PPP1R9A: variants seen among roughly 807,000 people sequenced by gnomAD.
The protein encoded by PPP1R9A is neurabin-1.
In PPP1R9A, 59 loss-of-function variants were observed where a neutral mutation model predicts 141.9. The observed-to-expected ratio is 0.42, with a 90% CI of 0.34 to 0.52. The LOEUF is 0.52. Ranked by LOEUF, PPP1R9A falls within the 20% of genes least tolerant of loss-of-function variation. PPP1R9A has a pLI of 0.10. For synonymous variants in PPP1R9A, 500 were observed against 569.7 expected (o/e 0.88, Z 1.74); for missense variants, 1,444 against 1,611.9 (o/e 0.90, Z 1.78).
intron 2 of PPP1R9A, among the ~76,000 whole-genome samples, chr7:95,013,716 T>C (rs997474911): frequency 4.6e-5 from 7 of 152,138 alleles, no homozygotes; most frequent in Admixed American, 4.6e-4. Context: ...TAGTTTGGTT[T>C]GCTACCAGTG....
At chr7:95,215,364 T>C (rs1793124915) in intron 7 of PPP1R9A, among the ~76,000 whole-genome samples, 1 of 152,136 alleles carries the variant, frequency 6.6e-6, no homozygotes, top group Non-Finnish European at 1.5e-5. Flanking sequence ...CTTAATCCAC[T>C]CTATCATTGT....
chr7:95,078,933 C>T (rs1252127583), intron 2 of PPP1R9A, among the ~76,000 whole-genome samples: 1 of 152,000 alleles, frequency 6.6e-6, no homozygotes, highest in Non-Finnish European at 1.5e-5. Context: ...TTGTAGGTTG[C>T]CTGTTCACTC....
intron 2 of PPP1R9A, among the ~76,000 whole-genome samples, chr7:94,918,547 T>C (rs1341628118): frequency 6.6e-6 from 1 of 152,132 alleles, no homozygotes; most frequent in Non-Finnish European, 1.5e-5. Context: ...CAGTGGTTTT[T>C]AGTATATTCA....
At chr7:95,114,194 G>C (rs1016249859) in intron 3 of PPP1R9A, among the ~76,000 whole-genome samples, 26 of 152,136 alleles carry the variant, frequency 1.7e-4, no homozygotes, top group African/African-American at 5.1e-4. Flanking sequence ...GAAAATGGAG[G>C]TGCCACACTT....
intron 5 of PPP1R9A, among the ~76,000 whole-genome samples, chr7:95,195,878 T>A (rs984632447): frequency 6.6e-6 from 1 of 151,960 alleles, no homozygotes; most frequent in African/African-American, 2.4e-5. Flanking sequence ...CAATGAGATG[T>A]CATCTCTACA....
rs113810642 is a variant in PPP1R9A, at chr7:95,292,471, T to C, written c.*2168T>C. 6.5e-6 allele frequency: 1 copy of C among 152,740 alleles called. No individual in the cohort carries two copies. Among genetic ancestry groups the C allele is most frequent in the East Asian group, 1.9e-4 (1 of 5,182 alleles). 9.5% of individuals were successfully genotyped at this position (152,740 alleles called of 1,614,324 possible). On this transcript the variant is annotated 3_prime_UTR_variant, in exon 20 of 20. Coordinates refer to ENST00000433360, the MANE Select transcript of PPP1R9A (RefSeq NM_001166160.2). ...AGTTATGTTTACACTTTGGTAATATTTGAAAATGGATGTATATACTGGAAA... is the reference window on the plus strand; with the variant it reads ...AGTTATGTTTACACTTTGGTAATATCTGAAAATGGATGTATATACTGGAAA...
At chr7:95,086,224 C>T (rs759420629) in intron 2 of PPP1R9A, among the ~76,000 whole-genome samples, 1 of 151,942 alleles carries the variant, frequency 6.6e-6, no homozygotes. Context: ...ACATATTGCT[C>T]TACACATTGT....
chr7:95,163,010 T>C (rs1442142395), intron 5 of PPP1R9A, among the ~76,000 whole-genome samples: 2 of 152,320 alleles, frequency 1.3e-5, no homozygotes, highest in South Asian at 4.1e-4. Flanking sequence ...CTGAGTTGTG[T>C]GGGTGGGCCC....
At chr7:95,076,715 G>T (rs951018675) in intron 2 of PPP1R9A, among the ~76,000 whole-genome samples, 1 of 152,058 alleles carries the variant, frequency 6.6e-6, no homozygotes, top group Non-Finnish European at 1.5e-5. Context: ...ATCCATTGGA[G>T]TTTCTGAGTT....
chr7:95,249,702 G>A (rs977625405), intron 9 of PPP1R9A, among the ~76,000 whole-genome samples: 31 of 151,872 alleles, frequency 2.0e-4, no homozygotes, highest in Middle Eastern at 3.2e-3. Flanking sequence ...GTTGACATTC[G>A]TTGGATATAT....
intron 2 of PPP1R9A, among the ~76,000 whole-genome samples, chr7:95,102,042 G>T (rs182879784): frequency 6.4e-4 from 97 of 152,120 alleles, no homozygotes; most frequent in Middle Eastern, 3.4e-3. Context: ...TGGGTAGAGG[G>T]GTTTCAGCTG....
At chr7:94,976,245 T>G (rs1474162221) in intron 2 of PPP1R9A, among the ~76,000 whole-genome samples, 1 of 152,066 alleles carries the variant, frequency 6.6e-6, no homozygotes, top group Non-Finnish European at 1.5e-5. Flanking sequence ...TAACATAAAA[T>G]AATACAAAAA....
intron 7 of PPP1R9A, among the ~76,000 whole-genome samples, chr7:95,211,144 A>T (rs199663212): frequency 1.9e-5 from 1 of 51,788 alleles, no homozygotes; most frequent in African/African-American, 5.1e-5. Context: ...CTTAAAGTAT[A>T]AAAAAAAAAA....
intron 2 of PPP1R9A, among the ~76,000 whole-genome samples, chr7:94,972,025 T>C (rs1239883432): frequency 6.6e-6 from 1 of 152,366 alleles, no homozygotes; most frequent in East Asian, 1.9e-4. Context: ...CAGTTTGTAT[T>C]CTCATAATGA....
intron 4 of PPP1R9A, among the ~76,000 whole-genome samples, chr7:95,144,658 A>G (rs1827289332): frequency 1.3e-5 from 2 of 152,178 alleles, no homozygotes; most frequent in Non-Finnish European, 2.9e-5. Context: ...AAAATTGAAA[A>G]CATTACCTTT....
intron 7 of PPP1R9A, among the ~76,000 whole-genome samples, chr7:95,206,140 C>T (rs559336503): frequency 6.6e-6 from 1 of 152,270 alleles, no homozygotes; most frequent in South Asian, 2.1e-4. Context: ...GTCCTTATCT[C>T]CTTCCCAATG....
chr7:95,204,027 A>G (rs1303558858), intron 7 of PPP1R9A, among the ~76,000 whole-genome samples: 1 of 152,208 alleles, frequency 6.6e-6, no homozygotes, highest in Admixed American at 6.5e-5. Flanking sequence ...GGAAAAAGCA[A>G]ATGTCCAACA....
chr7:94,982,172 G>A (rs193135240), intron 2 of PPP1R9A, among the ~76,000 whole-genome samples: 2 of 152,234 alleles, frequency 1.3e-5, no homozygotes, highest in African/African-American at 4.8e-5. Context: ...TTTTATGGCT[G>A]CATAGTATTC....
chr7:95,199,556 G>A (rs911472683), intron 6 of PPP1R9A, among the ~76,000 whole-genome samples: 1 of 152,006 alleles, frequency 6.6e-6, no homozygotes, highest in Non-Finnish European at 1.5e-5. Flanking sequence ...GGTATAATGA[G>A]GATATATTCT....
Sources: gnomAD v4.1 joint callset for allele counts (sites outside exome capture counted in the v4.1 genomes callset) on GRCh38, gnomAD v4.1.1 for gene constraint, MANE v1.5 for transcripts, NCBI Gene and HGNC (gene_info 2026-07-23, HGNC 2026-07-21) for gene names.